Variants in RRP15 observed in about 807,000 individuals in gnomAD.
RRP15 encodes RRP15-like protein.
A neutral mutation model predicts 27.1 loss-of-function variants in RRP15; 18 were observed. The ratio of observed to expected loss-of-function variants is 0.66; its 90% CI spans 0.46 to 0.98. The LOEUF (loss-of-function observed/expected upper bound fraction) is 0.98. Among genes scored for constraint, RRP15 ranks in the 50% least tolerant of loss-of-function variants. The probability of loss-of-function intolerance (pLI) is 0.00; values close to 1 mark genes in which losing one functional copy is unlikely to be tolerated. For synonymous variants in RRP15, 107 were observed against 109.4 expected (o/e 0.98, Z 0.14); for missense variants, 359 against 337.8 (o/e 1.06, Z -0.49).
intron 4 of RRP15, 42 bp downstream of exon 4, chr1:218,307,674 C>A: frequency 7.6e-7 from 1 of 1,317,212 alleles, no homozygotes; most frequent in Non-Finnish European, 1.1e-6. Flanking sequence ...AGACTTTCAG[C>A]TCTAAAACTA....
At position 218,302,416 on chromosome 1, in the gene RRP15, A is replaced by G. The variant is rs375279142; in HGVS notation, c.262A>G (p.Thr88Ala). The G allele has an allele frequency of 5.6e-6, 9 of 1,613,942 alleles. No homozygotes were observed. In the African/African-American group the frequency reaches 6.7e-5, roughly 12 times the overall value. ...NENDGESSVG[T>A]NMGWADAMAK... ...AAATGATGGAGAATCAAGTGTTGGGACTAATATGGGCTGGGCAGATGCTAT... is the reference window on the plus strand; with the variant it reads ...AAATGATGGAGAATCAAGTGTTGGGGCTAATATGGGCTGGGCAGATGCTAT... Residue 88 changes from threonine to alanine, a missense_variant, in exon 2 of 5, where the codon ACT becomes GCT. Physicochemically the swap from Thr to Ala is moderately conservative, Grantham distance 58. Coordinates refer to ENST00000366932, the MANE Select transcript of RRP15 (RefSeq NM_016052.4).
intron 4 of RRP15, among the ~76,000 whole-genome samples, chr1:218,317,568 C>A (rs766869404): frequency 3.9e-5 from 6 of 152,102 alleles, no homozygotes; most frequent in Non-Finnish European, 5.9e-5. Flanking sequence ...TTATGAAACT[C>A]ATAAAACCAA....
intron 4 of RRP15, among the ~76,000 whole-genome samples, chr1:218,328,827 C>T (rs1174139902): frequency 1.3e-5 from 2 of 152,078 alleles, no homozygotes; most frequent in Admixed American, 6.5e-5. Context: ...TGTGTTGAGT[C>T]AGTCACATGG....
chr1:218,330,866 A>T (rs1404616713), intron 4 of RRP15, 82 bp from the exon 5 acceptor site: 1 of 1,241,892 alleles, frequency 8.1e-7, no homozygotes. Flanking sequence ...AGCATTGAAA[A>T]GTTTGTTTTG....
At chr1:218,306,786 C>T (rs1193870375) in intron 3 of RRP15, among the ~76,000 whole-genome samples, 1 of 152,142 alleles carries the variant, frequency 6.6e-6, no homozygotes, top group Non-Finnish European at 1.5e-5. Context: ...TTTAACTCTG[C>T]ATTCAAAATA....
intron 1 of RRP15, among the ~76,000 whole-genome samples, chr1:218,287,497 C>T (rs1484938586): frequency 6.6e-6 from 1 of 151,998 alleles, no homozygotes; most frequent in Non-Finnish European, 1.5e-5. Context: ...TTCCAGTCAC[C>T]CTCTAGGTGT....
chr1:218,298,144 T>A (rs1571795099), intron 1 of RRP15, among the ~76,000 whole-genome samples: 1 of 152,152 alleles, frequency 6.6e-6, no homozygotes, highest in African/African-American at 2.4e-5. Context: ...AAATCTAGGA[T>A]GTGTTTGGTT....
chr1:218,330,698 A>G (rs942484039), intron 4 of RRP15, among the ~76,000 whole-genome samples: 3 of 151,950 alleles, frequency 2.0e-5, no homozygotes, highest in Non-Finnish European at 4.4e-5. Flanking sequence ...AAATTTTTTT[A>G]TTTTGCTTTC....
At chr1:218,293,170 G>A (rs1438402049) in intron 1 of RRP15, among the ~76,000 whole-genome samples, 3 of 151,856 alleles carry the variant, frequency 2.0e-5, no homozygotes, top group Non-Finnish European at 4.4e-5. Flanking sequence ...GACCATAGGT[G>A]CACACCACCA....
At chr1:218,306,830 T>C (rs1655906806) in intron 3 of RRP15, among the ~76,000 whole-genome samples, 2 of 152,212 alleles carry the variant, frequency 1.3e-5, no homozygotes, top group Non-Finnish European at 2.9e-5. Flanking sequence ...CAGTTATTAA[T>C]GATATTTAAG....
chr1:218,292,129 C>A (rs1655655378), intron 1 of RRP15, among the ~76,000 whole-genome samples: 1 of 152,202 alleles, frequency 6.6e-6, no homozygotes, highest in Admixed American at 6.5e-5. Flanking sequence ...AGCCACTGCA[C>A]CCAGCCTTCA....
chr1:218,330,261 G>C (rs148171085), intron 4 of RRP15, among the ~76,000 whole-genome samples: 6 of 152,188 alleles, frequency 3.9e-5, no homozygotes, highest in Non-Finnish European at 5.9e-5. Flanking sequence ...GAAATGAAAG[G>C]CTGTAATTAG....
chr1:218,286,521 C>A (rs1211526938), intron 1 of RRP15, among the ~76,000 whole-genome samples: 1 of 152,222 alleles, frequency 6.6e-6, no homozygotes, highest in East Asian at 1.9e-4. Flanking sequence ...TACTCTTCTT[C>A]CTGCCTTCTT....
intron 4 of RRP15, among the ~76,000 whole-genome samples, chr1:218,311,176 A>ACCTT (rs1472730283): frequency 2.0e-5 from 3 of 152,182 alleles, no homozygotes; most frequent in African/African-American, 7.2e-5. Flanking sequence ...TCTTCTCTAT[A>ACCTT]CCTTGGCAAC....
At position 218,333,438 on chromosome 1, in the gene RRP15, T is replaced by C. The variant is rs1042820159; in HGVS notation, c.*2347T>C. The C allele has an allele frequency of 1.2e-4, 18 of 152,228 alleles. No homozygotes were observed. Among genetic ancestry groups the C allele is most frequent in the African/African-American group, 3.6e-4 (15 of 41,454 alleles). The allele number at this position is 152,228 out of a possible 1,614,324, so 9.4% of individuals were successfully genotyped here. ...ATTTTACCTACAACATTTAAATTAT[T>C]CTGATATCAATCAGATAAATAATCC... On this transcript the variant is annotated 3_prime_UTR_variant, in exon 5 of 5. Coordinates refer to ENST00000366932, the MANE Select transcript of RRP15 (RefSeq NM_016052.4).
chr1:218,313,170 G>A (rs781385704), intron 4 of RRP15, among the ~76,000 whole-genome samples: 17 of 152,172 alleles, frequency 1.1e-4, no homozygotes, highest in Non-Finnish European at 2.5e-4. Context: ...TGAATCTGTT[G>A]CTCAGTTAGT....
chr1:218,307,378 G>A, intron 3 of RRP15, 53 bp from the exon 4 acceptor site: 2 of 1,467,962 alleles, frequency 1.4e-6, no homozygotes, highest in Non-Finnish European at 9.4e-7. Context: ...CTCAGAGTTT[G>A]TATTCTAGGG....
chr1:218,324,782 G>A (rs770341024), intron 4 of RRP15, among the ~76,000 whole-genome samples: 1 of 152,140 alleles, frequency 6.6e-6, no homozygotes, highest in Non-Finnish European at 1.5e-5. Context: ...ATTTACAGCT[G>A]AATGTTGTAA....
chr1:218,319,620 A>G (rs1452512975), intron 4 of RRP15, among the ~76,000 whole-genome samples: 1 of 152,116 alleles, frequency 6.6e-6, no homozygotes, highest in Non-Finnish European at 1.5e-5. Flanking sequence ...AAGGGGTCTG[A>G]TGGGACCAAT....
Sources: allele counts gnomAD v4.1 joint callset (sites outside exome capture counted in the v4.1 genomes callset), GRCh38; gene constraint gnomAD v4.1.1; transcripts MANE v1.5; gene names NCBI Gene and HGNC (gene_info 2026-07-23, HGNC 2026-07-21).